AGBL1: variants seen among roughly 807,000 people sequenced by gnomAD.
The protein encoded by AGBL1 is AGBL carboxypeptidase 1.
In AGBL1, 130 loss-of-function variants were observed where a neutral mutation model predicts 118.9. The ratio of observed to expected loss-of-function variants is 1.09; its 90% CI spans 0.95 to 1.26. AGBL1 has a LOEUF of 1.26. Ranked by LOEUF, AGBL1 falls within the 50% of genes most tolerant of loss-of-function variation. The pLI is 0.00. For synonymous variants in AGBL1, 555 were observed against 478.9 expected (o/e 1.16, Z -2.08); for missense variants, 1,584 against 1,298.1 (o/e 1.22, Z -3.38).
At chr15:86,376,598 T>C (rs969090594) in intron 17 of AGBL1, among the ~76,000 whole-genome samples, 2 of 152,224 alleles carry the variant, frequency 1.3e-5, no homozygotes, top group African/African-American at 4.8e-5. Flanking sequence ...CCAGTCCTTG[T>C]ATGGAGTTTG....
chr15:86,650,623 G>A (rs534867543), intron 21 of AGBL1, among the ~76,000 whole-genome samples: 4 of 151,890 alleles, frequency 2.6e-5, no homozygotes, highest in African/African-American at 7.3e-5. Flanking sequence ...AAAATAAAAA[G>A]GCATTACTTT....
At chr15:86,507,646 T>A (rs1431045422) in intron 18 of AGBL1, among the ~76,000 whole-genome samples, 1 of 152,008 alleles carries the variant, frequency 6.6e-6, no homozygotes, top group Non-Finnish European at 1.5e-5. Context: ...TCCTCTATGA[T>A]GAGATGACAT....
intron 22 of AGBL1, among the ~76,000 whole-genome samples, chr15:86,896,298 A>T (rs2080124815): frequency 6.6e-6 from 1 of 151,628 alleles, no homozygotes; most frequent in African/African-American, 2.4e-5. Context: ...TTCAAGGTGG[A>T]TTATTTCCTC....
chr15:86,634,543 G>C (rs985363785), intron 21 of AGBL1, among the ~76,000 whole-genome samples: 10 of 152,122 alleles, frequency 6.6e-5, no homozygotes, highest in Non-Finnish European at 1.3e-4. Context: ...CTGGTTGCCT[G>C]GAGCTAGGGA....
chr15:86,599,411 C>T (rs567496740), intron 21 of AGBL1, among the ~76,000 whole-genome samples: 1 of 151,916 alleles, frequency 6.6e-6, no homozygotes, highest in Non-Finnish European at 1.5e-5. Context: ...CAAATTGTCT[C>T]TATATTTATG....
intron 15 of AGBL1, among the ~76,000 whole-genome samples, chr15:86,274,997 A>G (rs759943262): frequency 6.6e-6 from 1 of 151,778 alleles, no homozygotes; most frequent in Middle Eastern, 3.2e-3. Context: ...GCCCCTCGAG[A>G]GGGAGGAACA....
At chr15:87,030,835 C>T (rs544544453), downstream of AGBL1, among the ~76,000 whole-genome samples, 1 of 151,992 alleles carries the variant, frequency 6.6e-6, no homozygotes, top group East Asian at 1.9e-4. Flanking sequence ...TGTATTTGAA[C>T]TCTATTACTC....
chr15:86,692,085 T>C (rs1372314877), intron 22 of AGBL1, among the ~76,000 whole-genome samples: 2 of 151,836 alleles, frequency 1.3e-5, no homozygotes, highest in Non-Finnish European at 2.9e-5. Context: ...CTGACCTCCT[T>C]TGGAATGGTG....
intron 5 of AGBL1, among the ~76,000 whole-genome samples, chr15:86,202,624 C>G (rs1034789052): frequency 6.6e-6 from 1 of 152,112 alleles, no homozygotes; most frequent in African/African-American, 2.4e-5. Context: ...AGGGCAGAAG[C>G]TTTCATTATG....
Position 86,681,848 on chromosome 15 carries a change from A to C in AGBL1, c.3158+7412A>C, listed in dbSNP as rs372983142. ...GTTGGAGAGGTTAAGGAGAGCAGGCATGGAGAAGTGAATGAAGATGGAAAG... is the reference window on the plus strand; with the variant it reads ...GTTGGAGAGGTTAAGGAGAGCAGGCCTGGAGAAGTGAATGAAGATGGAAAG... On this transcript the variant is annotated intron_variant, in intron 22 of 22. Coordinates refer to ENST00000614907, the MANE Select transcript of AGBL1 (RefSeq NM_001386094.1). Among the ~76,000 whole-genome samples the C allele has an allele frequency of 1.8e-4, 27 of 152,270 alleles. No homozygotes were observed. The East Asian group carries it at 4.6e-3, about 26-fold the overall frequency.
downstream of AGBL1, among the ~76,000 whole-genome samples, chr15:86,917,269 G>C (rs902489093): frequency 2.0e-5 from 3 of 152,170 alleles, no homozygotes; most frequent in Non-Finnish European, 4.4e-5. This position sits in a 1 kb window ranked among gnomAD's most constrained non-coding sequence, Gnocchi z 4.8. Context: ...TTCAGAGAGA[G>C]TTCTTTCACA....
Position 86,535,749 on chromosome 15 carries a change from T to G in AGBL1, c.2686-10253T>G, listed in dbSNP as rs2083417172. 2.0e-5 allele frequency among the ~76,000 whole-genome samples: 3 copies of G among 152,178 alleles called. No individual in the cohort carries two copies. In the South Asian group the frequency reaches 6.2e-4, roughly 32 times the overall value. ...TGTCCCTCTGGCATATGTTTTGGGT[T>G]AATCAGCTTCTTTTAAAAGAAGCAC... On this transcript the variant is annotated intron_variant, in intron 19 of 22. Coordinates refer to ENST00000614907, the MANE Select transcript of AGBL1 (RefSeq NM_001386094.1).
chr15:86,358,102 G>T (rs1363065539), intron 17 of AGBL1, among the ~76,000 whole-genome samples: 1 of 151,860 alleles, frequency 6.6e-6, no homozygotes, highest in Non-Finnish European at 1.5e-5. Context: ...ATTAACTATG[G>T]TCAGCATGCT....
At chr15:86,825,843 C>T (rs1413248349) in intron 22 of AGBL1, among the ~76,000 whole-genome samples, 3 of 150,108 alleles carry the variant, frequency 2.0e-5, no homozygotes, top group East Asian at 2.0e-4. Context: ...GAACCTGGAT[C>T]ACTCATTCAT....
chr15:86,223,300 A>G (rs185598051), intron 5 of AGBL1, among the ~76,000 whole-genome samples: 57 of 152,292 alleles, frequency 3.7e-4, no homozygotes, highest in South Asian at 3.7e-3. Flanking sequence ...GGATTGGGTT[A>G]GGCGCCTTGC....
chr15:86,206,667 T>A (rs898511377), intron 5 of AGBL1, among the ~76,000 whole-genome samples: 9 of 152,220 alleles, frequency 5.9e-5, no homozygotes, highest in Non-Finnish European at 1.5e-5. Flanking sequence ...ATTGTTTGAT[T>A]TTTTCCTTGT....
chr15:86,175,178 T>G (rs1333359737), intron 5 of AGBL1, among the ~76,000 whole-genome samples: 1 of 152,058 alleles, frequency 6.6e-6, no homozygotes, highest in African/African-American at 2.4e-5. Flanking sequence ...TTTTTATTAC[T>G]CATTCAATCT....
At chr15:86,868,613 A>G (rs530882487) in intron 22 of AGBL1, among the ~76,000 whole-genome samples, 1 of 152,360 alleles carries the variant, frequency 6.6e-6, no homozygotes, top group East Asian at 1.9e-4. Flanking sequence ...GCATTCGTGA[A>G]GAGGATGTTG....
At chr15:86,473,816 C>T (rs577309752) in intron 18 of AGBL1, among the ~76,000 whole-genome samples, 17 of 151,998 alleles carry the variant, frequency 1.1e-4, no homozygotes, top group Non-Finnish European at 1.8e-4. Flanking sequence ...ATTATTAACT[C>T]GGTATTAATT....
Sources: gnomAD v4.1 joint callset for allele counts (sites outside exome capture counted in the v4.1 genomes callset) on GRCh38, gnomAD v4.1.1 for gene constraint, Gnocchi (gnomAD v3.1) non-coding constraint, MANE v1.5 for transcripts, NCBI Gene and HGNC (gene_info 2026-07-23, HGNC 2026-07-21) for gene names.